Variants in TSPAN14 observed in about 807,000 individuals in gnomAD.
The protein encoded by TSPAN14 is tetraspanin 14.
TSPAN14 carries 16 observed loss-of-function variants against 36.6 expected under a neutral mutation model. That is an observed-to-expected ratio of 0.44 (90% CI 0.30 to 0.66). The LOEUF is 0.66. TSPAN14 is among the 30% of genes least tolerant of loss of function. The pLI is 0.12. For missense variants in TSPAN14, 231 were observed against 355.1 expected, an observed-to-expected ratio of 0.65 and a Z score of 2.81; for synonymous variants, 139 against 143.8, an observed-to-expected ratio of 0.97 and a Z score of 0.24.
chr10:80,488,469 C>T (rs983244920), intron 1 of TSPAN14, among the ~76,000 whole-genome samples: 1 of 152,102 alleles, frequency 6.6e-6, no homozygotes, highest in Non-Finnish European at 1.5e-5. Context: ...GCTGTGTAAT[C>T]CAAGCTTCAT....
chr10:80,500,690 G>A (rs1442600426), intron 2 of TSPAN14, among the ~76,000 whole-genome samples: 3 of 152,194 alleles, frequency 2.0e-5, no homozygotes, highest in Admixed American at 6.5e-5. Context: ...AGAACTGCAC[G>A]CAGTGGTGGG....
At chr10:80,506,131 C>T (rs1321492554) in intron 3 of TSPAN14, among the ~76,000 whole-genome samples, 1 of 152,208 alleles carries the variant, frequency 6.6e-6, no homozygotes, top group Non-Finnish European at 1.5e-5. Context: ...GCCACCATGC[C>T]TGGCTAATTT....
intron 1 of TSPAN14, among the ~76,000 whole-genome samples, chr10:80,473,913 G>A: frequency 6.6e-6 from 1 of 151,938 alleles, no homozygotes; most frequent in East Asian, 1.9e-4. Context: ...GATTGCTGTG[G>A]GCAGCTGAGC....
chr10:80,507,447 T>C, intron 4 of TSPAN14, 73 bp downstream of exon 4: 3 of 1,600,072 alleles, frequency 1.9e-6, no homozygotes, highest in Non-Finnish European at 8.5e-7. Flanking sequence ...GATTATATGT[T>C]ACCTGGTCAG....
chr10:80,469,313 C>T (rs1846412775), intron 1 of TSPAN14, among the ~76,000 whole-genome samples: 1 of 152,132 alleles, frequency 6.6e-6, no homozygotes, highest in South Asian at 2.1e-4. Context: ...AAACACAAAG[C>T]ATTTTCTATA....
At chr10:80,511,349 G>A (rs1247573556) in intron 5 of TSPAN14, among the ~76,000 whole-genome samples, 3 of 152,168 alleles carry the variant, frequency 2.0e-5, no homozygotes, top group East Asian at 1.9e-4. Flanking sequence ...TTTTTGTAAA[G>A]GGGTGAAAAG....
intron 2 of TSPAN14, among the ~76,000 whole-genome samples, chr10:80,497,412 G>T (rs1848256587): frequency 6.6e-6 from 1 of 152,178 alleles, no homozygotes; most frequent in Admixed American, 6.6e-5. Flanking sequence ...AATTTTATTG[G>T]AACACAGCCA....
intron 5 of TSPAN14, among the ~76,000 whole-genome samples, chr10:80,511,724 C>T (rs188842062): frequency 2.2e-3 from 154 of 70,262 alleles, no homozygotes; most frequent in East Asian, 0.018. Context: ...CTCTCTCTCT[C>T]TCTCTCTCTC....
chr10:80,510,325 T>C (rs1840546137), intron 5 of TSPAN14, among the ~76,000 whole-genome samples: 2 of 152,244 alleles, frequency 1.3e-5, no homozygotes, highest in African/African-American at 2.4e-5. Context: ...TTTCATGTAT[T>C]ATGGGATCCA....
intron 1 of TSPAN14, among the ~76,000 whole-genome samples, chr10:80,463,463 T>C (rs1041289734): frequency 6.6e-6 from 1 of 152,186 alleles, no homozygotes; most frequent in African/African-American, 2.4e-5. Flanking sequence ...TGTATTCCTC[T>C]CTTGTTTATT....
chr10:80,473,536 C>T (rs1467946042), intron 1 of TSPAN14, among the ~76,000 whole-genome samples: 1 of 152,124 alleles, frequency 6.6e-6, no homozygotes, highest in Admixed American at 6.5e-5. Context: ...GGGGGCCCAC[C>T]TTCCCCACAC....
rs778384049 is a variant in TSPAN14 at position 80,509,497 on chromosome 10, G to A, written c.450+26G>A. On this transcript the variant is annotated intron_variant, in intron 5 of 8. Coordinates refer to ENST00000429989, the Ensembl canonical transcript of TSPAN14. The surrounding 1 kb of genome is among the most constrained non-coding windows in gnomAD (Gnocchi z 4.7). ...GTAAGCACCTCCCCAGCGGGCCCCC[G>A]ATAGAGCATGCACCTCCCTGTGCTG... 5.0e-6 allele frequency: 8 copies of A among 1,607,276 alleles called. No individual in the cohort carries two copies. Among genetic ancestry groups the A allele is most frequent in the African/African-American group, 2.7e-5 (2 of 74,860 alleles).
intron 4 of TSPAN14, among the ~76,000 whole-genome samples, chr10:80,508,546 A>G (rs1840437661): frequency 6.6e-6 from 1 of 152,164 alleles, no homozygotes; most frequent in Non-Finnish European, 1.5e-5. Flanking sequence ...GTCTGCCCTG[A>G]TGGGATGTGG....
intron 1 of TSPAN14, among the ~76,000 whole-genome samples, chr10:80,473,985 C>T (rs995692029): frequency 2.6e-5 from 4 of 152,100 alleles, no homozygotes; most frequent in Admixed American, 6.6e-5. Flanking sequence ...CTTTCATATT[C>T]GCCTGCCCCC....
At position 80,473,863 on chromosome 10, in the gene TSPAN14, C is replaced by T. The variant is rs78656135; in HGVS notation, c.-17-15354C>T. On this transcript the variant is annotated intron_variant, in intron 1 of 8. Transcript: ENST00000429989. Reference sequence around the variant, plus strand: ...ACAGTTCTGGCTCTAAGGGGTGAGTCAGAGAGAGCCGAGCCCCTCCTTCCA... The same window carrying T: ...ACAGTTCTGGCTCTAAGGGGTGAGTTAGAGAGAGCCGAGCCCCTCCTTCCA... Among the ~76,000 whole-genome samples, 56 of 152,006 alleles carry T rather than the reference C, an allele frequency of 3.7e-4. No individual in the cohort carries two copies. The East Asian group carries it at 0.011, about 29-fold the overall frequency.
intron 3 of TSPAN14, among the ~76,000 whole-genome samples, chr10:80,506,112 C>T (rs1010661889): frequency 1.3e-5 from 2 of 152,236 alleles, no homozygotes; most frequent in African/African-American, 4.8e-5. Context: ...GCTGGGATTA[C>T]AGGCATGTGC....
chr10:80,464,012 A>G (rs1327559960), intron 1 of TSPAN14, among the ~76,000 whole-genome samples: 1 of 152,090 alleles, frequency 6.6e-6, no homozygotes, highest in Non-Finnish European at 1.5e-5. Context: ...GTGCCCCTAA[A>G]AGTGTGAGGA....
At chr10:80,517,449 CATT>C (rs1445387497) in intron 8 of TSPAN14, among the ~76,000 whole-genome samples, 2 of 152,330 alleles carry the variant, frequency 1.3e-5, no homozygotes, top group Admixed American at 6.5e-5. Flanking sequence ...GATCTTCAGA[CATT>C]ATTAGCACAG....
At chr10:80,519,659 C>T (rs978348142) in exon 9 of TSPAN14, 1 of 152,192 alleles carries the variant, frequency 6.6e-6, no homozygotes, top group Non-Finnish European at 1.5e-5. Flanking sequence ...TGTTTGGGGT[C>T]ACTATTGAGA....
Sources: allele counts gnomAD v4.1 joint callset (sites outside exome capture counted in the v4.1 genomes callset), GRCh38; gene constraint gnomAD v4.1.1; non-coding constraint Gnocchi (gnomAD v3.1); transcripts MANE v1.5; gene names NCBI Gene and HGNC (gene_info 2026-07-23, HGNC 2026-07-21).